Variants in DOK5 observed in about 807,000 individuals in gnomAD.
DOK5 encodes docking protein 5.
Under a neutral mutation model 43.3 loss-of-function variants are expected in DOK5, and 27 were observed. The observed-to-expected ratio is 0.62, with a 90% CI of 0.46 to 0.86. The LOEUF is 0.86. Ranked by LOEUF, DOK5 falls within the 40% of genes least tolerant of loss-of-function variation. The pLI, the probability that DOK5 is intolerant of heterozygous loss-of-function variation, is 0.00. For missense variants in DOK5, 373 were observed against 392.9 expected, an observed-to-expected ratio of 0.95 and a Z score of 0.43; for synonymous variants, 146 against 140.1, an observed-to-expected ratio of 1.04 and a Z score of -0.30.
intron 2 of DOK5, among the ~76,000 whole-genome samples, chr20:54,569,999 C>G (rs986027647): frequency 1.3e-5 from 2 of 152,116 alleles, no homozygotes; most frequent in Admixed American, 1.3e-4. Context: ...CTGGGAGGAG[C>G]TTGGATGAAA....
At chr20:54,526,150 T>C (rs1232304389) in intron 1 of DOK5, among the ~76,000 whole-genome samples, 1 of 152,124 alleles carries the variant, frequency 6.6e-6, no homozygotes, top group African/African-American at 2.4e-5. Context: ...CTTTTTTTTT[T>C]TTTTTAACTA....
At chr20:54,527,234 T>C (rs1469996052) in intron 1 of DOK5, among the ~76,000 whole-genome samples, 4 of 152,202 alleles carry the variant, frequency 2.6e-5, no homozygotes, top group Non-Finnish European at 5.9e-5. Flanking sequence ...GAATTCACCT[T>C]CTGTTTGAGA....
At chr20:54,570,598 G>A (rs540279277) in intron 2 of DOK5, among the ~76,000 whole-genome samples, 2 of 151,922 alleles carry the variant, frequency 1.3e-5, no homozygotes, top group South Asian at 2.1e-4. Context: ...ATCATCATCT[G>A]TAAATTACCA....
At chr20:54,602,338 G>A (rs1031988252) in intron 5 of DOK5, among the ~76,000 whole-genome samples, 4 of 152,138 alleles carry the variant, frequency 2.6e-5, no homozygotes, top group Non-Finnish European at 5.9e-5. Context: ...TTGCATCATG[G>A]GAGGGAGCTG....
intron 5 of DOK5, 47 bp downstream of exon 5, chr20:54,591,852 T>C: frequency 1.9e-6 from 3 of 1,539,654 alleles, no homozygotes; most frequent in Non-Finnish European, 2.6e-6. Context: ...TGTGTGTGTG[T>C]GTGTTCATTT....
intron 1 of DOK5, among the ~76,000 whole-genome samples, chr20:54,532,513 A>G (rs1207765918): frequency 6.6e-6 from 1 of 152,144 alleles, no homozygotes; most frequent in Non-Finnish European, 1.5e-5. Flanking sequence ...GAAGGTGGGG[A>G]AGGTGGCAAT....
At chr20:54,613,817 G>A (rs1986724368) in intron 6 of DOK5, among the ~76,000 whole-genome samples, 1 of 152,098 alleles carries the variant, frequency 6.6e-6, no homozygotes, top group East Asian at 1.9e-4. Flanking sequence ...AAAATGGTAA[G>A]ATCTGGTCTC....
intron 5 of DOK5, among the ~76,000 whole-genome samples, chr20:54,601,666 C>T (rs1986301993): frequency 6.6e-6 from 1 of 152,194 alleles, no homozygotes; most frequent in Non-Finnish European, 1.5e-5. Flanking sequence ...GAAACCTGTG[C>T]TAGTGATGAT....
chr20:54,594,372 G>A (rs1986072320), intron 5 of DOK5, among the ~76,000 whole-genome samples: 1 of 152,086 alleles, frequency 6.6e-6, no homozygotes, highest in African/African-American at 2.4e-5. Flanking sequence ...AGCCTGGGGC[G>A]ACAGAGTGGA....
At chr20:54,507,723 A>G (rs2146684139) in intron 1 of DOK5, among the ~76,000 whole-genome samples, 1 of 152,348 alleles carries the variant, frequency 6.6e-6, no homozygotes, top group South Asian at 2.1e-4. Context: ...CATGGGTACA[A>G]GATAGAACTA....
At chr20:54,625,034 TACTC>T (rs1368390477) in intron 6 of DOK5, among the ~76,000 whole-genome samples, 4 of 152,172 alleles carry the variant, frequency 2.6e-5, no homozygotes, top group Non-Finnish European at 4.4e-5. Context: ...AGTAAGCCTC[TACTC>T]ACTCTATTTT....
chr20:54,553,264 C>T (rs1278876845), intron 1 of DOK5, among the ~76,000 whole-genome samples: 4 of 152,126 alleles, frequency 2.6e-5, no homozygotes, highest in South Asian at 2.1e-4. Context: ...GGCGCCATCT[C>T]GGCTCACTGC....
chr20:54,647,701 GT>G (rs11086458), intron 7 of DOK5, among the ~76,000 whole-genome samples: 124,383 of 151,634 alleles, frequency 0.82, 51,237 homozygotes, highest in East Asian at 1. Flanking sequence ...CCTAAGAAAG[GT>G]TACTGTGGTC....
At chr20:54,635,711 G>T (rs1287134663) in intron 6 of DOK5, among the ~76,000 whole-genome samples, 1 of 152,162 alleles carries the variant, frequency 6.6e-6, no homozygotes, top group Non-Finnish European at 1.5e-5. Context: ...ATGTTCTCAG[G>T]ATCTTGTGGG....
In DOK5 at chr20:54,475,903, G is replaced by A. The variant is rs1488887709; in HGVS notation, c.-44G>A. 2 of 1,608,004 alleles carry A rather than the reference G, an allele frequency of 1.2e-6. No homozygotes were observed. Among genetic ancestry groups the A allele is most frequent in the East Asian group, 2.2e-5 (1 of 44,774 alleles). ...CCTCCACCCTCCCCAGAGCCACTTC[G>A]GGTGCGCGCTCTTGGGTAAAGGGGG... On this transcript the variant is annotated 5_prime_UTR_variant, in exon 1 of 8. Transcript: ENST00000262593. The surrounding 1 kb of genome is among the most constrained non-coding windows in gnomAD (Gnocchi z 4.2).
chr20:54,502,821 A>G (rs2146679612), intron 1 of DOK5, among the ~76,000 whole-genome samples: 1 of 152,240 alleles, frequency 6.6e-6, no homozygotes, highest in Non-Finnish European at 1.5e-5. Flanking sequence ...ATATTCTATT[A>G]ATTTTGAATT....
intron 5 of DOK5, among the ~76,000 whole-genome samples, chr20:54,593,340 G>A (rs1986039036): frequency 6.6e-6 from 1 of 151,856 alleles, no homozygotes; most frequent in Non-Finnish European, 1.5e-5. Flanking sequence ...TCACTTTGAT[G>A]TTCTTACAAC....
At chr20:54,579,502 C>T (rs1045106001) in intron 2 of DOK5, among the ~76,000 whole-genome samples, 4 of 151,974 alleles carry the variant, frequency 2.6e-5, no homozygotes, top group African/African-American at 9.7e-5. Flanking sequence ...ATCTCTAGGG[C>T]TTTTTTAAAT....
chr20:54,627,018 C>T (rs1006552787), intron 6 of DOK5, among the ~76,000 whole-genome samples: 1 of 152,168 alleles, frequency 6.6e-6, no homozygotes, highest in Admixed American at 6.5e-5. Flanking sequence ...CTATCTGGTC[C>T]AAAACAGAAA....
Sources: gnomAD v4.1 joint callset for allele counts (sites outside exome capture counted in the v4.1 genomes callset) on GRCh38, gnomAD v4.1.1 for gene constraint, Gnocchi (gnomAD v3.1) non-coding constraint, MANE v1.5 for transcripts, NCBI Gene and HGNC (gene_info 2026-07-23, HGNC 2026-07-21) for gene names.